RAD51B: variants seen among roughly 807,000 people sequenced by gnomAD.
RAD51B encodes the protein RAD51 paralog B.
Under a neutral mutation model 42.2 loss-of-function variants are expected in RAD51B, and 38 were observed. That is an observed-to-expected ratio of 0.90 (90% CI 0.70 to 1.18). The LOEUF (loss-of-function observed/expected upper bound fraction) is 1.18, where lower values mean the gene tolerates loss of function less well. Ranked by LOEUF, RAD51B falls within the 50% of genes most tolerant of loss-of-function variation. The probability of loss-of-function intolerance (pLI) is 0.00; values close to 1 mark genes in which losing one functional copy is unlikely to be tolerated. For synonymous variants in RAD51B, 154 were observed against 145.2 expected (o/e 1.06, Z -0.43); for missense variants, 373 against 400.7 (o/e 0.93, Z 0.59).
At chr14:68,423,263 A>T (rs1378167998) in intron 9 of RAD51B, among the ~76,000 whole-genome samples, 2 of 152,170 alleles carry the variant, frequency 1.3e-5, no homozygotes, top group Non-Finnish European at 2.9e-5. Context: ...TACAAACCTT[A>T]AAGAATTAGA....
chr14:68,439,821 C>G (rs2085242154), intron 9 of RAD51B, among the ~76,000 whole-genome samples: 1 of 152,204 alleles, frequency 6.6e-6, no homozygotes, highest in African/African-American at 2.4e-5. Context: ...TTGAAACCAA[C>G]AGAACCTTCT....
rs377118351 is a variant in RAD51B at position 68,352,911 on chromosome 14, G to A, written c.854-58513G>A. ...GCAGGTGGGGGTCTGGCACGGTCGG[G>A]GGAAGGGTTTTGATGGGAAAAGTGA... is the stretch of plus-strand genomic sequence containing the variant. On this transcript the variant is annotated intron_variant, in intron 8 of 10. Coordinates refer to ENST00000471583, the MANE Select transcript of RAD51B (RefSeq NM_133510.4). 1.3e-4 allele frequency among the ~76,000 whole-genome samples: 20 copies of A among 152,270 alleles called. No homozygotes were observed. In the South Asian group the frequency reaches 4.1e-3, roughly 32 times the overall value.
At chr14:67,854,100 T>C (rs1303538269) in intron 4 of RAD51B, among the ~76,000 whole-genome samples, 1 of 152,204 alleles carries the variant, frequency 6.6e-6, no homozygotes, top group Non-Finnish European at 1.5e-5. Context: ...CATTTTTTCA[T>C]TATTGTCTCC....
chr14:68,090,621 G>C (rs1037170056), intron 7 of RAD51B, among the ~76,000 whole-genome samples: 9 of 151,756 alleles, frequency 5.9e-5, no homozygotes, highest in African/African-American at 1.9e-4. Context: ...TTTACAGAAA[G>C]TATATGGTAG....
At chr14:68,602,502 A>ATAGCTAGCTAGC (rs139265723) in intron 10 of RAD51B, among the ~76,000 whole-genome samples, 20 of 137,998 alleles carry the variant, frequency 1.4e-4, no homozygotes, top group Non-Finnish European at 1.9e-4. Context: ...GGATGGATGG[A>ATAGCTAGCTAGC]TAGCTAGATA....
intron 10 of RAD51B, among the ~76,000 whole-genome samples, chr14:68,580,336 T>C (rs1373871367): frequency 6.6e-6 from 1 of 152,072 alleles, no homozygotes; most frequent in Non-Finnish European, 1.5e-5. Context: ...ACACAGCAGG[T>C]CTCCCAGGGT....
chr14:68,596,141 G>T, downstream of RAD51B: 3 of 621,840 alleles, frequency 4.8e-6, no homozygotes, highest in Non-Finnish European at 6.2e-6. Flanking sequence ...GACACTTCTG[G>T]GGCAAGAGGC....
intron 7 of RAD51B, among the ~76,000 whole-genome samples, chr14:68,244,451 A>G (rs914683471): frequency 1.2e-4 from 18 of 152,348 alleles, no homozygotes; most frequent in Admixed American, 1.0e-3. Context: ...AGATGGAGCA[A>G]ACACCCAGAC....
At chr14:68,233,020 G>A (rs779526672) in intron 7 of RAD51B, among the ~76,000 whole-genome samples, 6 of 152,104 alleles carry the variant, frequency 3.9e-5, no homozygotes, top group Non-Finnish European at 7.3e-5. Context: ...TTCAGATGCT[G>A]GGATGTGGGC....
At chr14:68,237,291 G>A (rs2080280115) in intron 7 of RAD51B, among the ~76,000 whole-genome samples, 1 of 152,144 alleles carries the variant, frequency 6.6e-6, no homozygotes. Flanking sequence ...ATTTCTTCCT[G>A]CTGTTAACTG....
At chr14:68,027,768 C>T (rs2075977520) in intron 7 of RAD51B, among the ~76,000 whole-genome samples, 1 of 152,102 alleles carries the variant, frequency 6.6e-6, no homozygotes, top group Admixed American at 6.6e-5. Context: ...GTTGAGGTTT[C>T]AACTTTCTGC....
intron 10 of RAD51B, among the ~76,000 whole-genome samples, chr14:68,593,305 A>G (rs1214894733): frequency 6.6e-6 from 1 of 152,252 alleles, no homozygotes; most frequent in African/African-American, 2.4e-5. Context: ...CTAAGGACTA[A>G]ATGAGTTAAT....
At chr14:68,211,261 G>C (rs1274655) in intron 7 of RAD51B, among the ~76,000 whole-genome samples, 23,892 of 152,060 alleles carry the variant, frequency 0.16, 1,998 homozygotes, top group Middle Eastern at 0.35. Flanking sequence ...TGAATATAAG[G>C]CTACTTCCAC....
chr14:68,153,982 A>C (rs114302299), intron 7 of RAD51B, among the ~76,000 whole-genome samples: 1 of 152,182 alleles, frequency 6.6e-6, no homozygotes, highest in African/African-American at 2.4e-5. Flanking sequence ...GTGATTCATG[A>C]GTCGTATTTT....
chr14:68,035,456 CCA>C (rs1448289917), intron 7 of RAD51B, among the ~76,000 whole-genome samples: 2 of 151,970 alleles, frequency 1.3e-5, no homozygotes, highest in African/African-American at 2.4e-5. Flanking sequence ...ATGAATACCC[CCA>C]GTTTTGAGTG....
At chr14:68,493,986 C>G (rs1041174189) in intron 10 of RAD51B, among the ~76,000 whole-genome samples, 1 of 152,078 alleles carries the variant, frequency 6.6e-6, no homozygotes, top group Non-Finnish European at 1.5e-5. Context: ...TCAGAAATGA[C>G]CAATTCTGGC....
intron 10 of RAD51B, among the ~76,000 whole-genome samples, chr14:68,604,049 G>C (rs1304785252): frequency 6.6e-6 from 1 of 152,244 alleles, no homozygotes; most frequent in Non-Finnish European, 1.5e-5. Context: ...AGCCCGCCAG[G>C]ATTGCTGGCT....
chr14:68,284,831 A>G (rs1358214434), intron 7 of RAD51B, among the ~76,000 whole-genome samples: 1 of 152,030 alleles, frequency 6.6e-6, no homozygotes. Flanking sequence ...AAATACTAAA[A>G]CCACATTTGT....
At chr14:68,343,784 C>G (rs987082487) in intron 8 of RAD51B, among the ~76,000 whole-genome samples, 1 of 152,270 alleles carries the variant, frequency 6.6e-6, no homozygotes, top group Non-Finnish European at 1.5e-5. Context: ...CATTGCCCTG[C>G]TCAGGCTTGA....
Sources: allele counts gnomAD v4.1 joint callset (sites outside exome capture counted in the v4.1 genomes callset), GRCh38; gene constraint gnomAD v4.1.1; transcripts MANE v1.5; gene names NCBI Gene and HGNC (gene_info 2026-07-23, HGNC 2026-07-21).